The following TAB2 variants were observed in gnomAD, a reference collection of about 807,000 sequenced individuals.
TAB2 encodes TGF-beta activated kinase 1 (MAP3K7) binding protein 2, also known as TGF-beta-activated kinase 1 and MAP3K7-binding protein 2.
In TAB2, 3 loss-of-function variants were observed where a neutral mutation model predicts 65.0. The observed-to-expected ratio is 0.05, with a 90% CI of 0.02 to 0.12. The LOEUF (loss-of-function observed/expected upper bound fraction) is 0.12. Among genes scored for constraint, TAB2 ranks in the 10% least tolerant of loss-of-function variants. The pLI, the probability that TAB2 is intolerant of heterozygous loss-of-function variation, is 1.00. For synonymous variants in TAB2, 298 were observed against 285.1 expected (o/e 1.05, Z -0.46); for missense variants, 623 against 840.3 (o/e 0.74, Z 3.20).
At chr6:149,335,613 A>G (rs1779911677) in intron 1 of TAB2, among the ~76,000 whole-genome samples, 1 of 152,062 alleles carries the variant, frequency 6.6e-6, no homozygotes, top group South Asian at 2.1e-4. Flanking sequence ...GGCTCAAGTG[A>G]TCCTCTTGCT....
At position 149,409,508 on chromosome 6, in the gene TAB2, T is replaced by C. The variant is rs1782773263; in HGVS notation, c.1940-69T>C. 4 of 1,459,460 alleles carry C rather than the reference T, an allele frequency of 2.7e-6. No individual in the cohort carries two copies. In the African/African-American group the frequency reaches 4.2e-5, roughly 15 times the overall value. 90.4% of individuals were successfully genotyped at this position (1,459,460 alleles called of 1,614,324 possible). On this transcript the variant is annotated intron_variant, in intron 6 of 6. Transcript: ENST00000637181. ...CAGGCTGTGCACTACAAATGGTGTT[T>C]AAAGTTGCCTGTAATTTTTTAGACT...
chr6:149,381,672 C>G (rs925433013), intron 3 of TAB2, among the ~76,000 whole-genome samples: 1 of 148,462 alleles, frequency 6.7e-6, no homozygotes, highest in African/African-American at 2.5e-5. Flanking sequence ...CTCCTGGGCT[C>G]AAGTGATCCT....
intron 2 of TAB2, among the ~76,000 whole-genome samples, chr6:149,373,116 G>C (rs1781284257): frequency 6.6e-6 from 1 of 152,056 alleles, no homozygotes; most frequent in Non-Finnish European, 1.5e-5. Flanking sequence ...TTTTCCTTCT[G>C]CTGTGAATTC....
upstream of TAB2, among the ~76,000 whole-genome samples, chr6:149,218,348 G>A (rs1161762034): frequency 6.6e-6 from 1 of 152,014 alleles, no homozygotes; most frequent in Non-Finnish European, 1.5e-5. Context: ...TCAGGGAAAA[G>A]GATTAATACT....
chr6:149,374,959 A>G (rs1392701073), intron 2 of TAB2, among the ~76,000 whole-genome samples: 2 of 152,234 alleles, frequency 1.3e-5, no homozygotes, highest in Non-Finnish European at 2.9e-5. Flanking sequence ...CAAATGAAAT[A>G]TGTAGGCCTT....
intron 1 of TAB2, among the ~76,000 whole-genome samples, chr6:149,281,552 T>A (rs1778573117): frequency 3.0e-5 from 1 of 33,192 alleles, no homozygotes; most frequent in African/African-American, 2.5e-4. Flanking sequence ...CAAGATGCCA[T>A]CTCAAAAAAA....
chr6:149,262,087 T>C (rs1261017884), intron 1 of TAB2, among the ~76,000 whole-genome samples: 1 of 152,174 alleles, frequency 6.6e-6, no homozygotes, highest in Non-Finnish European at 1.5e-5. Flanking sequence ...ATAGATCTAG[T>C]GGAAATGTGT....
chr6:149,271,677 G>A (rs1028220971), intron 1 of TAB2, among the ~76,000 whole-genome samples: 7 of 152,112 alleles, frequency 4.6e-5, no homozygotes, highest in African/African-American at 1.4e-4. Context: ...GGACAATCAT[G>A]TGCTCTGCTT....
chr6:149,404,120 T>A (rs779116054), intron 6 of TAB2, among the ~76,000 whole-genome samples: 1 of 152,146 alleles, frequency 6.6e-6, no homozygotes, highest in Non-Finnish European at 1.5e-5. Context: ...ATAAATGAAT[T>A]TAGTAAAATT....
At chr6:149,297,682 A>T (rs1778901138) in intron 1 of TAB2, among the ~76,000 whole-genome samples, 1 of 152,002 alleles carries the variant, frequency 6.6e-6, no homozygotes, top group South Asian at 2.1e-4. Flanking sequence ...ATGCCACTAC[A>T]CTTGGATAAT....
intron 1 of TAB2, among the ~76,000 whole-genome samples, chr6:149,289,780 G>T (rs979731098): frequency 1.3e-5 from 2 of 152,158 alleles, no homozygotes; most frequent in African/African-American, 2.4e-5. Flanking sequence ...TAAGTTGGTC[G>T]GGCTACAACT....
intron 1 of TAB2, among the ~76,000 whole-genome samples, chr6:149,357,464 C>G (rs79596918): frequency 6.8e-6 from 1 of 147,790 alleles, no homozygotes; most frequent in Non-Finnish European, 1.5e-5. Context: ...CACACACACA[C>G]ACATTTTAGC....
chr6:149,362,093 ACTCTT>A (rs1030883853), intron 1 of TAB2, among the ~76,000 whole-genome samples: 1 of 151,932 alleles, frequency 6.6e-6, no homozygotes, highest in Non-Finnish European at 1.5e-5. Flanking sequence ...AGTCCTGCAA[ACTCTT>A]CTAACCTCTG....
intron 6 of TAB2, among the ~76,000 whole-genome samples, chr6:149,409,226 G>C (rs931456390): frequency 1.3e-5 from 2 of 152,186 alleles, no homozygotes; most frequent in African/African-American, 2.4e-5. Flanking sequence ...TATGTACACT[G>C]ACAGTATTGT....
chr6:149,351,782 A>G (rs1300381857), intron 1 of TAB2, among the ~76,000 whole-genome samples: 1 of 152,212 alleles, frequency 6.6e-6, no homozygotes, highest in Non-Finnish European at 1.5e-5. Context: ...TGTGTATCAA[A>G]TACTGTTTTA....
At chr6:149,326,755 C>T (rs1290641481) in intron 1 of TAB2, among the ~76,000 whole-genome samples, 1 of 152,124 alleles carries the variant, frequency 6.6e-6, no homozygotes, top group Middle Eastern at 3.2e-3. Context: ...ACCATGTTGG[C>T]CAGGCTGGTC....
chr6:149,223,584 A>G (rs1419787864), intron 1 of TAB2, among the ~76,000 whole-genome samples: 2 of 152,230 alleles, frequency 1.3e-5, no homozygotes, highest in Non-Finnish European at 2.9e-5. Flanking sequence ...TCTCAACTCC[A>G]GTCCCCATTA....
At chr6:149,301,846 C>A (rs1778977752) in intron 1 of TAB2, among the ~76,000 whole-genome samples, 1 of 152,100 alleles carries the variant, frequency 6.6e-6, no homozygotes, top group Admixed American at 6.5e-5. Flanking sequence ...TTGAGTTAGT[C>A]ACTAAGCTAC....
chr6:149,400,335 G>A, intron 6 of TAB2: 1 of 1,578,496 alleles, frequency 6.3e-7, no homozygotes, highest in Non-Finnish European at 8.6e-7. Context: ...TACTCGTTAG[G>A]TGCGGACCCG....
Sources: gnomAD v4.1 joint callset for allele counts (sites outside exome capture counted in the v4.1 genomes callset) on GRCh38, gnomAD v4.1.1 for gene constraint, MANE v1.5 for transcripts, NCBI Gene and HGNC (gene_info 2026-07-23, HGNC 2026-07-21) for gene names.